Variants in PIKFYVE observed in about 807,000 individuals in gnomAD.
PIKFYVE encodes the protein phosphoinositide kinase, FYVE-type zinc finger containing.
A neutral mutation model predicts 257.9 loss-of-function variants in PIKFYVE; 122 were observed. The observed-to-expected ratio is 0.47, with a 90% confidence interval of 0.41 to 0.55. The LOEUF is 0.55. PIKFYVE is among the 20% of genes least tolerant of loss of function. The pLI, the probability that PIKFYVE is intolerant of heterozygous loss-of-function variation, is 0.00. For missense variants in PIKFYVE, 2,160 were observed against 2,536.6 expected (o/e 0.85, Z 3.19); for synonymous variants, 892 against 868.9 (o/e 1.03, Z -0.47).
intron 38 of PIKFYVE, among the ~76,000 whole-genome samples, chr2:208,352,324 A>G (rs1468616692): frequency 1.3e-5 from 2 of 152,044 alleles, no homozygotes; most frequent in Non-Finnish European, 2.9e-5. Context: ...CCATCTTAGA[A>G]TCATGAAAGA....
chr2:208,299,418 T>C (rs1007064518), intron 8 of PIKFYVE, among the ~76,000 whole-genome samples: 1 of 152,094 alleles, frequency 6.6e-6, no homozygotes, highest in African/African-American at 2.4e-5. Context: ...GCCTCCTGAG[T>C]AGCTGGGACT....
intron 21 of PIKFYVE, among the ~76,000 whole-genome samples, 187 bp downstream of exon 21, chr2:208,328,467 T>C (rs1462687463): frequency 2.0e-5 from 3 of 152,164 alleles, no homozygotes; most frequent in Non-Finnish European, 4.4e-5. Flanking sequence ...TGTTCATGAG[T>C]AGAAGTAAAT....
At chr2:208,268,383 G>A (rs942759416) in intron 1 of PIKFYVE, among the ~76,000 whole-genome samples, 10 of 149,488 alleles carry the variant, frequency 6.7e-5, no homozygotes, top group African/African-American at 2.5e-4. Flanking sequence ...TTCCAGGGGT[G>A]GTTGTTACGG....
intron 20 of PIKFYVE, among the ~76,000 whole-genome samples, 167 bp downstream of exon 20, chr2:208,326,596 C>A (rs1180231641): frequency 6.6e-6 from 1 of 152,104 alleles, no homozygotes; most frequent in African/African-American, 2.4e-5. Flanking sequence ...TTATGTGTTA[C>A]TTTAATATGT....
At chr2:208,308,868 C>T (rs13407897) in intron 12 of PIKFYVE, among the ~76,000 whole-genome samples, 23,885 of 152,018 alleles carry the variant, frequency 0.16, 2,064 homozygotes, top group Admixed American at 0.21. Flanking sequence ...CCACCATGCC[C>T]GGCTAATTTT....
chr2:208,314,381 T>C lies in PIKFYVE; in HGVS notation c.1784T>C (p.Leu595Pro). ...TGGCATCATAACAACCTGGAGCTCC[T>C]GAGGGAGGAGAATGGGGAGAAACAA... The part of the protein sequence containing the change: ...LGWHHNNLEL[L>P]REENGEKQAM... Residue 595 changes from leucine to proline, a missense_variant, in exon 14 of 42, where the codon CTG (leucine) becomes CCG (proline). Transcript: ENST00000264380. 6.2e-7 allele frequency: 1 copy of C among 1,613,776 alleles called. No homozygotes were observed. The highest frequency in any genetic ancestry group is 8.5e-7 in the Non-Finnish European group (1 of 1,179,838).
chr2:208,322,191 G>A (rs943973776), intron 17 of PIKFYVE, among the ~76,000 whole-genome samples: 2 of 151,970 alleles, frequency 1.3e-5, no homozygotes, highest in East Asian at 1.9e-4. Flanking sequence ...ACCAGCCTGG[G>A]TAACATAGTG....
intron 17 of PIKFYVE, among the ~76,000 whole-genome samples, chr2:208,320,673 A>G (rs1696106634): frequency 6.6e-6 from 1 of 152,200 alleles, no homozygotes; most frequent in South Asian, 2.1e-4. Flanking sequence ...TTTGTAATAC[A>G]GTCTATGCTA....
In PIKFYVE at chr2:208,325,550, G is replaced by T; in HGVS notation, c.2739G>T (p.Trp913Cys). Residue 913 changes from tryptophan to cysteine, a missense_variant, in exon 20 of 42, where the codon TGG (tryptophan) becomes TGT (cysteine). This residue lies in a region of PIKFYVE where 522 missense variants were observed against 514.6 expected (regional missense o/e 1.01). Coordinates refer to ENST00000264380, the MANE Select transcript of PIKFYVE (RefSeq NM_015040.4). Reference protein sequence around the residue: ...QEQYGGGSIPWDPDIPPESLP... With the variant: ...QEQYGGGSIPCDPDIPPESLP... ...AGTACGGTGGAGGTTCCATCCCCTG[G>T]GATCCTGACATCCCTCCTGAGTCTC... The T allele has an allele frequency of 6.2e-7, 1 of 1,614,080 alleles. No homozygotes were observed. The highest frequency in any genetic ancestry group is 8.5e-7 in the Non-Finnish European group (1 of 1,179,980).
Position 208,333,424 on chromosome 2 carries a change from C to G in PIKFYVE, c.4073C>G (p.Pro1358Arg). ...TATACTCGCAGAGCCAACGCTGAGC[C>G]CTGTGGTCACTCCATCCATCATGAT... ...HQYTRRANAEPCGHSIHHDYH... is the reference protein window; with the variant it reads ...HQYTRRANAERCGHSIHHDYH... The change falls in exon 24 of 42, where the codon CCC becomes CGC. Residue 1358 changes from proline to arginine, a missense_variant. Coordinates refer to ENST00000264380, the MANE Select transcript of PIKFYVE (RefSeq NM_015040.4). 2 of 1,614,048 alleles carry G rather than the reference C, an allele frequency of 1.2e-6. No individual in the cohort carries two copies. Among genetic ancestry groups the G allele is most frequent in the Non-Finnish European group, 1.7e-6 (2 of 1,180,010 alleles).
chr2:208,291,004 TATTTC>T (rs1239583925), intron 7 of PIKFYVE, among the ~76,000 whole-genome samples: 2 of 152,196 alleles, frequency 1.3e-5, no homozygotes, highest in Non-Finnish European at 2.9e-5. Context: ...TTTCCTGTCT[TATTTC>T]ATTAGCTAAA....
In PIKFYVE at chr2:208,350,909, G is replaced by C; in HGVS notation, c.5573G>C (p.Arg1858Pro). ...SLSHSSPWQARGGKSGAAFYA... is the reference protein window; with the variant it reads ...SLSHSSPWQAPGGKSGAAFYA... ...TCCCACTCATCACCCTGGCAGGCCC[G>C]GGGAGGCAAATCAGGAGCTGCCTTC... Residue 1858 changes from arginine (R) to proline (P), a missense_variant, in exon 37 of 42, where the codon CGG becomes CCG. Transcript: ENST00000264380. 6.2e-7 allele frequency: 1 copy of C among 1,614,096 alleles called. No homozygotes were observed. The highest frequency in any genetic ancestry group is 8.5e-7 in the Non-Finnish European group (1 of 1,180,016).
chr2:208,322,933 A>AGTGG (rs1439463572), intron 17 of PIKFYVE, among the ~76,000 whole-genome samples: 2 of 141,258 alleles, frequency 1.4e-5, no homozygotes, highest in African/African-American at 5.3e-5. Context: ...CCTATGAGTG[A>AGTGG]GAACATGCGG....
At chr2:208,321,172 C>T (rs1480777903) in intron 17 of PIKFYVE, among the ~76,000 whole-genome samples, 5 of 152,090 alleles carry the variant, frequency 3.3e-5, no homozygotes, top group Non-Finnish European at 5.9e-5. Context: ...TCCTTTTCTC[C>T]CATAAATACT....
At chr2:208,271,378 AT>A in intron 1 of PIKFYVE, 132 bp from the exon 2 acceptor site, 1 of 849,218 alleles carries the variant, frequency 1.2e-6, no homozygotes, top group Non-Finnish European at 2.0e-6. Context: ...ATGAAGCTAG[AT>A]TTATTTACTG....
intron 35 of PIKFYVE, 112 bp downstream of exon 35, chr2:208,348,135 TTCC>T: frequency 1.5e-6 from 2 of 1,316,854 alleles, no homozygotes; most frequent in Non-Finnish European, 2.2e-6. Flanking sequence ...AACTGGGGCA[TTCC>T]CTCTGTTCTC....
Position 208,346,037 on chromosome 2 carries a change from C to G in PIKFYVE, c.5112-13C>G. 6.3e-7 allele frequency: 1 copy of G among 1,588,626 alleles called. No individual in the cohort carries two copies. Among genetic ancestry groups the G allele is most frequent in the Non-Finnish European group, 8.6e-7 (1 of 1,161,126 alleles). ...TAAAACTAAATTTTTCTTTTTTTTTCTTTTCATTTTAGTACTTCAGATAGC... is the reference window on the plus strand; with the variant it reads ...TAAAACTAAATTTTTCTTTTTTTTTGTTTTCATTTTAGTACTTCAGATAGC... On this transcript the variant is annotated splice_polypyrimidine_tract_variant and intron_variant, in intron 33 of 41. Coordinates refer to ENST00000264380, the MANE Select transcript of PIKFYVE (RefSeq NM_015040.4).
intron 24 of PIKFYVE, among the ~76,000 whole-genome samples, chr2:208,335,094 G>A (rs1697987586): frequency 6.6e-6 from 1 of 152,138 alleles, no homozygotes; most frequent in African/African-American, 2.4e-5. Context: ...TGGTACTACA[G>A]CATAATGAAA....
At position 208,302,357 on chromosome 2, in the gene PIKFYVE, C is replaced by T. The variant is rs1693797581; in HGVS notation, c.1320+4C>T. On this transcript the variant is annotated splice_donor_region_variant and intron_variant, in intron 10 of 41. Coordinates refer to ENST00000264380, the MANE Select transcript of PIKFYVE (RefSeq NM_015040.4). ...TGCGCTGTATAGACCACTGCAGGTA[C>T]TTTTCAGTGTTTACTGCCAATTAGA... The T allele has an allele frequency of 1.9e-6, 3 of 1,609,594 alleles. No individual in the cohort carries two copies. The highest frequency in any genetic ancestry group is 2.6e-6 in the Non-Finnish European group (3 of 1,176,052).
Sources: allele counts gnomAD v4.1 joint callset (sites outside exome capture counted in the v4.1 genomes callset), GRCh38; gene constraint gnomAD v4.1.1; regional missense constraint gnomAD v4.1.1; transcripts MANE v1.5; gene names NCBI Gene and HGNC (gene_info 2026-07-23, HGNC 2026-07-21).